TP53BP1: variants seen among roughly 807,000 people sequenced by gnomAD.
TP53BP1 encodes the protein TP53-binding protein 1.
A neutral mutation model predicts 200.8 loss-of-function variants in TP53BP1; 61 were observed. The observed-to-expected ratio is 0.30, with a 90% CI of 0.25 to 0.38. The LOEUF is 0.38. Ranked by LOEUF, TP53BP1 falls within the 10% of genes least tolerant of loss-of-function variation. TP53BP1 has a pLI of 1.00. For missense variants in TP53BP1, 2,144 were observed against 2,371.9 expected, an observed-to-expected ratio of 0.90 and a Z score of 2.00; for synonymous variants, 822 against 844.3, an observed-to-expected ratio of 0.97 and a Z score of 0.46.
chr15:43,416,598 C>T, intron 21 of TP53BP1, 182 bp from the exon 22 acceptor site: 1 of 499,284 alleles, frequency 2.0e-6, no homozygotes, highest in Non-Finnish European at 3.5e-6. Flanking sequence ...ATATATGTAG[C>T]TACTACACTG....
intron 14 of TP53BP1, among the ~76,000 whole-genome samples, chr15:43,442,556 G>A (rs575851265): frequency 9.2e-5 from 14 of 151,430 alleles, no homozygotes; most frequent in African/African-American, 1.7e-4. Context: ...AGAGTGCAGC[G>A]GCGTAATCTC....
chr15:43,478,187 C>T (rs567682800), intron 7 of TP53BP1, among the ~76,000 whole-genome samples: 3 of 152,348 alleles, frequency 2.0e-5, no homozygotes, highest in South Asian at 2.1e-4. Flanking sequence ...TAGTGCCACA[C>T]ACATCTTCTG....
In TP53BP1 at chr15:43,437,100, C is replaced by T. The variant is rs180982951; in HGVS notation, c.3191+1224G>A. ...CTTGAGCCTAGGAATTTGGGGCTGC[C>T]GTGAGCTATTACTGCACCACTGCAC... is the stretch of plus-strand genomic sequence containing the variant. On this transcript the variant is annotated intron_variant, in intron 16 of 27. Coordinates refer to ENST00000382044, the MANE Select transcript of TP53BP1 (RefSeq NM_001141980.3). Among the ~76,000 whole-genome samples, 60 of 152,120 alleles carry T rather than the reference C, an allele frequency of 3.9e-4. 1 individual carries two copies. In the South Asian group the frequency reaches 5.8e-3, roughly 15 times the overall value.
chr15:43,425,606 C>T (rs1303293465), intron 18 of TP53BP1, among the ~76,000 whole-genome samples: 1 of 152,002 alleles, frequency 6.6e-6, no homozygotes, highest in Non-Finnish European at 1.5e-5. Context: ...GGCAAAAGAG[C>T]GAGACCCTGT....
At chr15:43,506,559 G>A (rs2079237943) in intron 1 of TP53BP1, among the ~76,000 whole-genome samples, 2 of 152,260 alleles carry the variant, frequency 1.3e-5, no homozygotes, top group Middle Eastern at 3.4e-3. Context: ...AGACACCTTC[G>A]ACAATTCAAG....
Position 43,479,820 on chromosome 15 carries a change from A to G in TP53BP1, c.658+39T>C, listed in dbSNP as rs868297890. The G allele has an allele frequency of 6.8e-6, 11 of 1,609,442 alleles. No individual in the cohort carries two copies. In the South Asian group the frequency reaches 9.9e-5, roughly 15 times the overall value. Reference sequence around the variant, plus strand: ...AATAACTACCTCTAATATGGGAGAAAACACAACAACTCCAAATGCCAGAAA... The same window carrying G: ...AATAACTACCTCTAATATGGGAGAAGACACAACAACTCCAAATGCCAGAAA... On this transcript the variant is annotated intron_variant, in intron 6 of 27. Coordinates refer to ENST00000382044, the MANE Select transcript of TP53BP1 (RefSeq NM_001141980.3).
chr15:43,409,218 T>G, intron 25 of TP53BP1, 122 bp from the exon 26 acceptor site: 1 of 873,080 alleles, frequency 1.1e-6, no homozygotes, highest in Admixed American at 2.2e-5. Flanking sequence ...AAAATGTGAT[T>G]TAGTCTATCC....
intron 11 of TP53BP1, among the ~76,000 whole-genome samples, chr15:43,461,344 C>T (rs2046424595): frequency 6.6e-6 from 1 of 151,792 alleles, no homozygotes; most frequent in Non-Finnish European, 1.5e-5. Flanking sequence ...CTCAGCCTCC[C>T]GAGTAGCTGG....
Position 43,456,861 on chromosome 15 carries a change from G to T in TP53BP1, c.1747C>A (p.Gln583Lys). The change falls in exon 12 of 28, where the codon CAA becomes AAA. Residue 583 changes from glutamine to lysine, a missense_variant. Around this residue, in one of 4 missense-constraint regions of TP53BP1, gnomAD observed 1,700 missense variants for 1,710.3 expected, o/e 0.99. Transcript: ENST00000382044. ...GTTTTGTCATCATTCTGACTCAGTT[G>T]TACTTCACCATCCTGTGCTGGATTC... ...LMNPAQDGEV[Q>K]LSQNDDKTKG... 1 of 1,613,910 alleles carries T rather than the reference G, an allele frequency of 6.2e-7. No homozygotes were observed. The highest frequency in any genetic ancestry group is 8.5e-7 in the Non-Finnish European group (1 of 1,180,016).
chr15:43,457,437 G>T (rs944137892), intron 11 of TP53BP1, among the ~76,000 whole-genome samples: 7 of 151,982 alleles, frequency 4.6e-5, no homozygotes, highest in African/African-American at 1.7e-4. Flanking sequence ...ACAAAGTGGG[G>T]ATACGTACTC....
intron 1 of TP53BP1, among the ~76,000 whole-genome samples, chr15:43,500,753 G>A (rs766409595): frequency 2.0e-5 from 3 of 152,070 alleles, no homozygotes; most frequent in Admixed American, 6.6e-5. Flanking sequence ...CCTGGGAGGC[G>A]GAGGTTGCAC....
At position 43,421,999 on chromosome 15, in the gene TP53BP1, C is replaced by T. The variant is rs376460570; in HGVS notation, c.3956G>A (p.Arg1319His). Residue 1319 changes from arginine to histidine, a missense_variant, in exon 19 of 28, where the codon CGC becomes CAC. By Grantham distance (29) the Arg-to-His change is conservative. Transcript: ENST00000382044. ...SFSSKASSLH[R>H]TSSGTSLSAM... ...TGAGAGACTTGTCCCACTTGATGTG[C>T]GGTGTAAGCTGGATGCCTTGGAGGA... is the stretch of plus-strand genomic sequence containing the variant. 1.1e-5 allele frequency: 17 copies of T among 1,614,048 alleles called. No homozygotes were observed. In the Admixed American group the frequency reaches 1.3e-4, roughly 13 times the overall value.
At chr15:43,509,070 T>C (rs1279598994) in intron 1 of TP53BP1, among the ~76,000 whole-genome samples, 5 of 151,854 alleles carry the variant, frequency 3.3e-5, no homozygotes, top group Non-Finnish European at 7.3e-5. Context: ...CTATGGAAAC[T>C]GTCCCTTTCT....
intron 24 of TP53BP1, among the ~76,000 whole-genome samples, chr15:43,411,945 C>T (rs2045127963): frequency 6.6e-6 from 1 of 152,164 alleles, no homozygotes; most frequent in Non-Finnish European, 1.5e-5. Context: ...AACCCATGAC[C>T]ATGACCACTG....
At chr15:43,471,773 T>C (rs1033975282) in intron 10 of TP53BP1, among the ~76,000 whole-genome samples, 1 of 152,182 alleles carries the variant, frequency 6.6e-6, no homozygotes, top group Non-Finnish European at 1.5e-5. Flanking sequence ...TTTTCAATGT[T>C]CACACTACAG....
chr15:43,434,403 G>C (rs1056964672), intron 16 of TP53BP1, among the ~76,000 whole-genome samples: 2 of 152,160 alleles, frequency 1.3e-5, no homozygotes, highest in Non-Finnish European at 2.9e-5. Flanking sequence ...TCAAAAGCCA[G>C]AAGAGCCAGG....
Position 43,407,117 on chromosome 15 carries a change from C to CGTAA in TP53BP1, c.*262_*265dup, listed in dbSNP as rs145601219. 1,008 of 376,512 alleles carry CGTAA rather than the reference C, an allele frequency of 2.7e-3. 5 individuals are homozygous for CGTAA. Among genetic ancestry groups the CGTAA allele is most frequent in the South Asian group, 8.2e-3 (206 of 25,202 alleles). 23.3% of individuals were successfully genotyped at this position (376,512 alleles called of 1,614,324 possible). A position where few individuals can be genotyped will look rare whatever the true frequency, so the allele number is the denominator to read the frequency against. ...TCAATTTCCTTGGCCAGCTGTCCTCCGTAAGTGAATAAGCCTGTTGAAAGA... is the reference window on the plus strand; with the variant it reads ...TCAATTTCCTTGGCCAGCTGTCCTCCGTAAGTAAGTGAATAAGCCTGTTGAAAGA... On this transcript the variant is annotated 3_prime_UTR_variant, in exon 28 of 28. Coordinates refer to ENST00000382044, the MANE Select transcript of TP53BP1 (RefSeq NM_001141980.3).
intron 1 of TP53BP1, among the ~76,000 whole-genome samples, chr15:43,503,756 T>G (rs2079221874): frequency 6.6e-6 from 1 of 152,162 alleles, no homozygotes; most frequent in South Asian, 2.1e-4. Context: ...CACCCTGCCT[T>G]CTCCTGATTC....
At chr15:43,509,090 C>G (rs564819246) in intron 1 of TP53BP1, among the ~76,000 whole-genome samples, 1 of 150,388 alleles carries the variant, frequency 6.6e-6, no homozygotes, top group South Asian at 2.1e-4. Flanking sequence ...TCCCCACAAC[C>G]TATTCTGGCT....
Sources: gnomAD v4.1 joint callset for allele counts (sites outside exome capture counted in the v4.1 genomes callset) on GRCh38, gnomAD v4.1.1 for gene constraint, gnomAD v4.1.1 regional missense constraint, MANE v1.5 for transcripts, NCBI Gene and HGNC (gene_info 2026-07-23, HGNC 2026-07-21) for gene names.